The following MCPH1 variants were observed in gnomAD, a reference collection of about 807,000 sequenced individuals.
MCPH1 encodes microcephalin.
Under a neutral mutation model 84.5 loss-of-function variants are expected in MCPH1, and 104 were observed. That is an observed-to-expected ratio of 1.23 (90% CI 1.05 to 1.45). The LOEUF (loss-of-function observed/expected upper bound fraction) is 1.45, where lower values mean the gene tolerates loss of function less well. MCPH1 is among the 40% of genes most tolerant of loss of function. The probability of loss-of-function intolerance (pLI) is 0.00; values close to 1 mark genes in which losing one functional copy is unlikely to be tolerated. For synonymous variants in MCPH1, 514 were observed against 366.8 expected, an observed-to-expected ratio of 1.40 and a Z score of -4.58; for missense variants, 1,498 against 1,005.7, an observed-to-expected ratio of 1.49 and a Z score of -6.62.
At chr8:6,472,192 C>G (rs929254577) in intron 9 of MCPH1, among the ~76,000 whole-genome samples, 1 of 152,128 alleles carries the variant, frequency 6.6e-6, no homozygotes, top group Non-Finnish European at 1.5e-5. Flanking sequence ...ACATAATATA[C>G]AATGAATATG....
chr8:6,603,049 C>T (rs1297241300), intron 12 of MCPH1, among the ~76,000 whole-genome samples: 1 of 151,950 alleles, frequency 6.6e-6, no homozygotes, highest in Non-Finnish European at 1.5e-5. Context: ...TCATTGCTTG[C>T]ACTTTTTGCC....
chr8:6,498,307 T>G (rs1216455745), intron 11 of MCPH1, among the ~76,000 whole-genome samples: 1 of 152,154 alleles, frequency 6.6e-6, no homozygotes, highest in African/African-American at 2.4e-5. Context: ...AGATTTTCAC[T>G]ATTTTGAACA....
intron 12 of MCPH1, among the ~76,000 whole-genome samples, chr8:6,530,231 G>C: frequency 6.6e-6 from 1 of 152,062 alleles, no homozygotes; most frequent in East Asian, 1.9e-4. Context: ...ATGGTGGCCA[G>C]GTACGGTGGC....
rs370304013 is a variant in MCPH1 at position 6,623,443 on chromosome 8, G to C, written c.2452+1752G>C. ...GTTTCCTATTCAGTCTCCTTTCTTA[G>C]TACTTTTGCATGTCTCTAAATCCTA... On this transcript the variant is annotated intron_variant, in intron 13 of 13. Transcript: ENST00000344683. Among the ~76,000 whole-genome samples, 138 of 150,548 alleles carry C rather than the reference G, an allele frequency of 9.2e-4. 1 individual carries two copies. In the South Asian group the frequency reaches 0.028, roughly 31 times the overall value.
chr8:6,485,872 G>A (rs60032671), intron 11 of MCPH1, among the ~76,000 whole-genome samples: 387 of 152,206 alleles, frequency 2.5e-3, no homozygotes, highest in African/African-American at 7.5e-3. Flanking sequence ...TGGTAACCAC[G>A]ATGACTCTCG....
At chr8:6,472,389 A>G (rs946499877) in intron 9 of MCPH1, among the ~76,000 whole-genome samples, 1 of 152,240 alleles carries the variant, frequency 6.6e-6, no homozygotes, top group Non-Finnish European at 1.5e-5. Flanking sequence ...TATTTCAAGC[A>G]TCTGTTTTTT....
intron 11 of MCPH1, among the ~76,000 whole-genome samples, chr8:6,487,519 C>G (rs980605225): frequency 6.6e-6 from 1 of 152,224 alleles, no homozygotes; most frequent in African/African-American, 2.4e-5. Flanking sequence ...TAAGTCTGTT[C>G]AAAAGGGATC....
chr8:6,514,662 A>G (rs202095451), intron 12 of MCPH1: 5 of 1,610,574 alleles, frequency 3.1e-6, no homozygotes, highest in Admixed American at 1.7e-5. Context: ...CTGATGCCTT[A>G]AAGAATGTCC....
At chr8:6,532,200 T>C in intron 12 of MCPH1, 1 of 1,068,704 alleles carries the variant, frequency 9.4e-7, no homozygotes, top group South Asian at 1.5e-5. Context: ...TAATTTCTTA[T>C]CAATTCATTC....
intron 11 of MCPH1, among the ~76,000 whole-genome samples, chr8:6,488,656 C>T (rs1454814272): frequency 6.6e-6 from 1 of 152,154 alleles, no homozygotes; most frequent in African/African-American, 2.4e-5. Context: ...ATACCTGAGG[C>T]ACCGGGAGTG....
chr8:6,627,758 G>A (rs1417761554), intron 13 of MCPH1, among the ~76,000 whole-genome samples: 2 of 152,136 alleles, frequency 1.3e-5, no homozygotes, highest in Non-Finnish European at 2.9e-5. Context: ...GGGCATGGTG[G>A]TGCAAGCCTA....
At chr8:6,476,908 A>G (rs542042045) in intron 9 of MCPH1, among the ~76,000 whole-genome samples, 1 of 152,220 alleles carries the variant, frequency 6.6e-6, no homozygotes, top group Non-Finnish European at 1.5e-5. Context: ...ATTTGGCTGA[A>G]TATACTGCCA....
chr8:6,480,373 C>T (rs1221939149), intron 10 of MCPH1, among the ~76,000 whole-genome samples: 4 of 151,994 alleles, frequency 2.6e-5, no homozygotes, highest in African/African-American at 7.3e-5. Context: ...CCCGCCTCGG[C>T]CTCCCAAAGT....
At chr8:6,525,246 C>A (rs1818116591) in intron 12 of MCPH1, among the ~76,000 whole-genome samples, 1 of 152,178 alleles carries the variant, frequency 6.6e-6, no homozygotes, top group Non-Finnish European at 1.5e-5. Context: ...TTCCAGCCCC[C>A]TGATCGTTGT....
intron 13 of MCPH1, among the ~76,000 whole-genome samples, chr8:6,632,448 C>A (rs1446839894): frequency 6.6e-6 from 1 of 152,088 alleles, no homozygotes; most frequent in Admixed American, 6.5e-5. Context: ...ATCTATTCAC[C>A]TCATTTTACA....
chr8:6,423,118 G>C (rs1434515460), intron 3 of MCPH1, among the ~76,000 whole-genome samples: 1 of 151,040 alleles, frequency 6.6e-6, no homozygotes, highest in Non-Finnish European at 1.5e-5. Context: ...ACCGTGCCTG[G>C]CAAAAGCACA....
chr8:6,594,749 G>A (rs1828792691), intron 12 of MCPH1, among the ~76,000 whole-genome samples: 1 of 152,094 alleles, frequency 6.6e-6, no homozygotes, highest in African/African-American at 2.4e-5. Context: ...CCTGTCACTT[G>A]CCATCTCTCA....
At chr8:6,590,548 G>A (rs1032336522) in intron 12 of MCPH1, among the ~76,000 whole-genome samples, 5 of 152,144 alleles carry the variant, frequency 3.3e-5, no homozygotes, top group Non-Finnish European at 5.9e-5. Context: ...GTTGACCAGA[G>A]GCCTAATCTG....
chr8:6,471,375 A>T (rs1400311886), intron 9 of MCPH1, among the ~76,000 whole-genome samples: 1 of 152,180 alleles, frequency 6.6e-6, no homozygotes, highest in Admixed American at 6.5e-5. Flanking sequence ...TAATCTATGC[A>T]AATAATTATA....
Sources: gnomAD v4.1 joint callset for allele counts (sites outside exome capture counted in the v4.1 genomes callset) on GRCh38, gnomAD v4.1.1 for gene constraint, MANE v1.5 for transcripts, NCBI Gene and HGNC (gene_info 2026-07-23, HGNC 2026-07-21) for gene names.